Variants in SMARCA2 observed in about 807,000 individuals in gnomAD.
SMARCA2 encodes SWI/SNF related BAF chromatin remodeling complex subunit ATPase 2, also known as SWI/SNF-related matrix-associated actin-dependent regulator of chromatin subfamily A member 2.
SMARCA2 carries 61 observed loss-of-function variants against 199.8 expected under a neutral mutation model. The ratio of observed to expected loss-of-function variants is 0.31; its 90% CI spans 0.25 to 0.38. The LOEUF is 0.38. SMARCA2 is among the 10% of genes least tolerant of loss of function. SMARCA2 has a pLI of 1.00. For missense variants in SMARCA2, 1,344 were observed against 2,012.2 expected (o/e 0.67, Z 6.35); for synonymous variants, 935 against 732.0 (o/e 1.28, Z -4.48).
At chr9:2,163,267 GT>G (rs1825775709) in intron 28 of SMARCA2, among the ~76,000 whole-genome samples, 1 of 152,126 alleles carries the variant, frequency 6.6e-6, no homozygotes, top group Non-Finnish European at 1.5e-5. Flanking sequence ...ATTTTGTGCT[GT>G]TTTCCTTTTT....
intron 25 of SMARCA2, among the ~76,000 whole-genome samples, chr9:2,116,590 C>G (rs1008456188): frequency 2.6e-5 from 4 of 152,176 alleles, no homozygotes; most frequent in African/African-American, 9.7e-5. Flanking sequence ...TAAGAGCTGT[C>G]TGAAGGTTGG....
chr9:2,072,280 C>T (rs749158667), intron 10 of SMARCA2, among the ~76,000 whole-genome samples: 1 of 152,160 alleles, frequency 6.6e-6, no homozygotes, highest in African/African-American at 2.4e-5. Flanking sequence ...CCAAGCATTT[C>T]CAAACAAACA....
intron 10 of SMARCA2, among the ~76,000 whole-genome samples, chr9:2,071,754 G>A (rs558782786): frequency 4.7e-4 from 72 of 152,152 alleles, no homozygotes; most frequent in Non-Finnish European, 8.1e-4. Flanking sequence ...ACATTAGCAC[G>A]AAAACAAGCT....
chr9:2,154,848 C>G (rs1362294186), intron 27 of SMARCA2, among the ~76,000 whole-genome samples: 1 of 152,214 alleles, frequency 6.6e-6, no homozygotes, highest in Non-Finnish European at 1.5e-5. Context: ...CTGAGAACCT[C>G]GAAGTACAGA....
At chr9:2,021,219 A>G (rs927518951) in intron 1 of SMARCA2, among the ~76,000 whole-genome samples, 6 of 152,206 alleles carry the variant, frequency 3.9e-5, no homozygotes, top group African/African-American at 1.4e-4. Context: ...CCCTTTTGTA[A>G]GTTGATGAAT....
intron 28 of SMARCA2, chr9:2,162,841 C>T (rs531641882): frequency 6.6e-6 from 1 of 152,280 alleles, no homozygotes; most frequent in South Asian, 2.1e-4. Context: ...TCTTCTAGCT[C>T]CCTGCTTCCA....
intron 19 of SMARCA2, among the ~76,000 whole-genome samples, chr9:2,094,289 C>G (rs59601552): frequency 0.021 from 3,189 of 152,292 alleles, 123 homozygotes; most frequent in African/African-American, 0.072. Context: ...GAGCAGCCAT[C>G]AGGTCCTTGA....
At chr9:2,031,957 C>T (rs1025830767) in intron 2 of SMARCA2, among the ~76,000 whole-genome samples, 3 of 152,184 alleles carry the variant, frequency 2.0e-5, no homozygotes, top group Admixed American at 6.5e-5. Context: ...GATTTCCTCT[C>T]TATTATTACT....
chr9:2,127,739 A>G (rs1586732833), intron 27 of SMARCA2, among the ~76,000 whole-genome samples: 1 of 152,228 alleles, frequency 6.6e-6, no homozygotes, highest in African/African-American at 2.4e-5. Flanking sequence ...ATATTTAGCC[A>G]TCCCTGCCTC....
intron 27 of SMARCA2, among the ~76,000 whole-genome samples, chr9:2,153,199 A>G (rs1313948915): frequency 2.0e-5 from 3 of 152,218 alleles, no homozygotes; most frequent in South Asian, 2.1e-4. Context: ...CGTGTATTCT[A>G]TATCGTAAGT....
intron 1 of SMARCA2, among the ~76,000 whole-genome samples, chr9:2,024,993 T>G (rs1169018729): frequency 6.6e-6 from 1 of 152,198 alleles, no homozygotes; most frequent in Non-Finnish European, 1.5e-5. Context: ...GACACAAGTT[T>G]TGTCATGGTT....
chr9:2,124,344 T>C (rs113476936), intron 27 of SMARCA2, among the ~76,000 whole-genome samples: 2,253 of 152,314 alleles, frequency 0.015, 56 homozygotes, highest in African/African-American at 0.051. Context: ...CATTTCATGG[T>C]CTTTAATCGA....
At chr9:2,188,797 AATCC>A (rs1302493606) in intron 32 of SMARCA2, among the ~76,000 whole-genome samples, 3 of 152,314 alleles carry the variant, frequency 2.0e-5, no homozygotes, top group Non-Finnish European at 4.4e-5. Context: ...TCTAGATAGG[AATCC>A]CATTTCCTTG....
chr9:2,071,013 A>T (rs544728907), intron 10 of SMARCA2, among the ~76,000 whole-genome samples: 16 of 152,256 alleles, frequency 1.1e-4, no homozygotes, highest in Non-Finnish European at 1.9e-4. Context: ...ATGAGGATAC[A>T]ATTAATTTAT....
intron 29 of SMARCA2, among the ~76,000 whole-genome samples, chr9:2,175,868 G>A (rs1586794528): frequency 1.3e-5 from 2 of 150,702 alleles, no homozygotes; most frequent in Non-Finnish European, 1.5e-5. Context: ...TGTTTTTTTG[G>A]GTTTTTTTTG....
intron 2 of SMARCA2, among the ~76,000 whole-genome samples, chr9:2,031,510 G>C (rs954187393): frequency 6.6e-6 from 1 of 152,148 alleles, no homozygotes; most frequent in South Asian, 2.1e-4. Context: ...TTGTTCTTTA[G>C]CAGTTAAAAA....
chr9:2,163,187 G>C (rs1254714009), intron 28 of SMARCA2, among the ~76,000 whole-genome samples: 1 of 152,232 alleles, frequency 6.6e-6, no homozygotes, highest in Non-Finnish European at 1.5e-5. Flanking sequence ...AATGGGGAAA[G>C]AGGAGTAGGT....
Position 2,161,740 on chromosome 9 carries a change from C to T in SMARCA2, c.4036C>T (p.Arg1346Ter). 1 of 1,613,734 alleles carries T rather than the reference C, an allele frequency of 6.2e-7. No individual in the cohort carries two copies. Among genetic ancestry groups the T allele is most frequent in the Non-Finnish European group, 8.5e-7 (1 of 1,179,906 alleles). ...EMEEEVRLKK[R>*]KRRRNVDKDP... ...GGAAGAGGAAGTACGGCTTAAGAAG[C>T]GAAAAAGACGAAGAAATGTGGATAA... is the stretch of plus-strand genomic sequence containing the variant. The change falls in exon 28 of 34, where the codon CGA becomes TGA. Residue 1346 changes from arginine (R) to a stop codon, truncating the protein, a stop_gained. Transcript: ENST00000349721. LOFTEE classifies it high-confidence loss of function. The surrounding 1 kb of genome is among the most constrained non-coding windows in gnomAD (Gnocchi z 4.7).
chr9:2,181,081 T>TTGAG (rs1826987228), intron 29 of SMARCA2, among the ~76,000 whole-genome samples: 2 of 152,146 alleles, frequency 1.3e-5, no homozygotes. Flanking sequence ...GGCTTTTCAC[T>TTGAG]TGAGTTTCCA....
Sources: allele counts gnomAD v4.1 joint callset (sites outside exome capture counted in the v4.1 genomes callset), GRCh38; gene constraint gnomAD v4.1.1; non-coding constraint Gnocchi (gnomAD v3.1); transcripts MANE v1.5; gene names NCBI Gene and HGNC (gene_info 2026-07-23, HGNC 2026-07-21).